NPEPPS: variants seen among roughly 807,000 people sequenced by gnomAD.
NPEPPS encodes puromycin-sensitive aminopeptidase.
In NPEPPS, 14 loss-of-function variants were observed where a neutral mutation model predicts 115.5. The ratio of observed to expected loss-of-function variants is 0.12; its 90% CI spans 0.08 to 0.19. The LOEUF is 0.19. NPEPPS is among the 10% of genes least tolerant of loss of function. The pLI, the probability that NPEPPS is intolerant of heterozygous loss-of-function variation, is 1.00. For synonymous variants in NPEPPS, 285 were observed against 390.6 expected, an observed-to-expected ratio of 0.73 and a Z score of 3.19; for missense variants, 523 against 1,110.8, an observed-to-expected ratio of 0.47 and a Z score of 7.52.
chr17:47,549,417 G>C (rs1328473756), intron 2 of NPEPPS, among the ~76,000 whole-genome samples: 1 of 152,068 alleles, frequency 6.6e-6, no homozygotes, highest in Non-Finnish European at 1.5e-5. Flanking sequence ...GAAAAAACCT[G>C]AAGTCATGTG....
chr17:47,557,812 T>C (rs1489505585), intron 2 of NPEPPS, among the ~76,000 whole-genome samples: 2 of 149,434 alleles, frequency 1.3e-5, no homozygotes, highest in Admixed American at 6.7e-5. Context: ...TTGATAAGTT[T>C]TCTCATGAAT....
intron 1 of NPEPPS, among the ~76,000 whole-genome samples, chr17:47,544,711 C>CTTTTTTT (rs938067387): frequency 8.8e-6 from 1 of 114,238 alleles, no homozygotes; most frequent in African/African-American, 3.3e-5. Context: ...TTTTTGTATT[C>CTTTTTTT]TTTTTTTTTT....
intron 2 of NPEPPS, among the ~76,000 whole-genome samples, chr17:47,553,532 T>A (rs1909792713): frequency 6.6e-6 from 1 of 152,146 alleles, no homozygotes; most frequent in Non-Finnish European, 1.5e-5. Context: ...CAGTAGTTCC[T>A]CCTTATCTAT....
intron 1 of NPEPPS, among the ~76,000 whole-genome samples, chr17:47,542,436 C>T (rs1427231953): frequency 6.6e-6 from 1 of 150,950 alleles, no homozygotes; most frequent in African/African-American, 2.4e-5. Flanking sequence ...ATCCCAGCTA[C>T]TAGGGAGGCT....
At chr17:47,573,048 T>C (rs1911296648) in intron 3 of NPEPPS, among the ~76,000 whole-genome samples, 1 of 152,146 alleles carries the variant, frequency 6.6e-6, no homozygotes, top group Admixed American at 6.6e-5. Context: ...AGTGCTAGGA[T>C]TACAGGCGTG....
chr17:47,547,313 C>T (rs576714339), intron 2 of NPEPPS, among the ~76,000 whole-genome samples: 1 of 151,780 alleles, frequency 6.6e-6, no homozygotes, highest in African/African-American at 2.4e-5. Context: ...GGCATAAACT[C>T]TTACAAGTAC....
intron 2 of NPEPPS, among the ~76,000 whole-genome samples, chr17:47,563,001 T>A (rs1382518717): frequency 1.3e-5 from 2 of 151,568 alleles, no homozygotes; most frequent in Admixed American, 1.3e-4. Context: ...TTATGGTCAT[T>A]TTATAATGCC....
chr17:47,553,573 T>C (rs2859558), intron 2 of NPEPPS, among the ~76,000 whole-genome samples: 2 of 152,288 alleles, frequency 1.3e-5, no homozygotes, highest in Admixed American at 6.5e-5. Context: ...CCCAATGGTA[T>C]GCCTGAAACC....
At chr17:47,570,501 T>C (rs1384668375) in intron 3 of NPEPPS, among the ~76,000 whole-genome samples, 1 of 152,246 alleles carries the variant, frequency 6.6e-6, no homozygotes, top group Non-Finnish European at 1.5e-5. Flanking sequence ...TGGTCACAGA[T>C]GATTTTGATA....
At chr17:47,524,756 G>T (rs1188783509) in intron 1 of NPEPPS, among the ~76,000 whole-genome samples, 1 of 150,356 alleles carries the variant, frequency 6.7e-6, no homozygotes, top group Non-Finnish European at 1.5e-5. Flanking sequence ...CGTCTGCCTC[G>T]GCCTCCCAAA....
chr17:47,588,886 A>C (rs991308093), intron 9 of NPEPPS, among the ~76,000 whole-genome samples: 1 of 152,146 alleles, frequency 6.6e-6, no homozygotes, highest in Non-Finnish European at 1.5e-5. Context: ...TTAGGAAGCT[A>C]CTAGGCAAAT....
chr17:47,536,855 G>T (rs1453749619), intron 1 of NPEPPS, among the ~76,000 whole-genome samples: 1 of 151,786 alleles, frequency 6.6e-6, no homozygotes, highest in African/African-American at 2.4e-5. Context: ...GGGATTACAG[G>T]CGCGCACCAC....
intron 15 of NPEPPS, 143 bp from the exon 16 acceptor site, chr17:47,603,772 T>C: frequency 1.5e-6 from 1 of 660,530 alleles, no homozygotes; most frequent in South Asian, 2.5e-5. Flanking sequence ...TGTTGTCTTG[T>C]TTTAATCCAT....
chr17:47,532,212 C>T (rs1017157820), intron 1 of NPEPPS, among the ~76,000 whole-genome samples: 4 of 152,120 alleles, frequency 2.6e-5, no homozygotes, highest in Admixed American at 6.5e-5. Flanking sequence ...CCTCAAGTGA[C>T]AGTGCAGCAG....
At chr17:47,601,789 A>G (rs191234359) in intron 15 of NPEPPS, 42 bp downstream of exon 15, 10 of 1,578,574 alleles carry the variant, frequency 6.3e-6, no homozygotes, top group East Asian at 4.5e-5. Context: ...TCTCACTTAT[A>G]CATTTTATGG....
At position 47,524,499 on chromosome 17, in the gene NPEPPS, A is replaced by ATT. The variant is rs540272108; in HGVS notation, c.77+1448_77+1449dup. 3.1e-3 allele frequency among the ~76,000 whole-genome samples: 440 copies of ATT among 141,784 alleles called. 1 individual carries two copies. Among genetic ancestry groups the ATT allele is most frequent in the Non-Finnish European group, 5.2e-3 (336 of 64,552 alleles). 93.0% of individuals were successfully genotyped at this position (141,784 alleles called of 152,430 possible). A position where few individuals can be genotyped will look rare whatever the true frequency, so the allele number is the denominator to read the frequency against. ...CCACCACACCCAGCTAATTAAAAAC[A>ATT]TTTTTTTTTTTTTGAGACGGAGTCT... On this transcript the variant is annotated intron_variant, in intron 1 of 5. Transcript: ENST00000525007.
chr17:47,571,933 CT>C (rs1911220806), intron 3 of NPEPPS, among the ~76,000 whole-genome samples: 1 of 151,980 alleles, frequency 6.6e-6, no homozygotes, highest in African/African-American at 2.4e-5. Flanking sequence ...AGATTTCTTT[CT>C]TTTTTACACA....
At chr17:47,608,474 A>G (rs1913648667) in intron 17 of NPEPPS, among the ~76,000 whole-genome samples, 1 of 150,542 alleles carries the variant, frequency 6.6e-6, no homozygotes, top group South Asian at 2.1e-4. Flanking sequence ...AAAAAAAAAA[A>G]GTGAGGGGGT....
At chr17:47,605,266 A>C in intron 16 of NPEPPS, 67 bp from the exon 17 acceptor site, 1 of 1,224,432 alleles carries the variant, frequency 8.2e-7, no homozygotes, top group Non-Finnish European at 1.1e-6. Flanking sequence ...ATAATGCCAA[A>C]AATGCATGCT....
Sources: allele counts gnomAD v4.1 joint callset (sites outside exome capture counted in the v4.1 genomes callset), GRCh38; gene constraint gnomAD v4.1.1; transcripts MANE v1.5; gene names NCBI Gene and HGNC (gene_info 2026-07-23, HGNC 2026-07-21).